CERT1: variants seen among roughly 807,000 people sequenced by gnomAD.
The protein encoded by CERT1 is ceramide transporter 1.
A neutral mutation model predicts 87.9 loss-of-function variants in CERT1; 31 were observed. The ratio of observed to expected loss-of-function variants is 0.35; its 90% CI spans 0.27 to 0.48. The LOEUF is 0.48. Ranked by LOEUF, CERT1 falls within the 20% of genes least tolerant of loss-of-function variation. CERT1 has a pLI of 0.99. For synonymous variants in CERT1, 289 were observed against 250.9 expected (o/e 1.15, Z -1.44); for missense variants, 487 against 758.0 (o/e 0.64, Z 4.20).
intron 8 of CERT1, among the ~76,000 whole-genome samples, chr5:75,407,472 TAA>T (rs546897411): frequency 7.4e-5 from 8 of 107,838 alleles, no homozygotes; most frequent in Non-Finnish European, 1.2e-4. Context: ...GGAAAAAAAT[TAA>T]AAAAAAAAAA....
intron 2 of CERT1, among the ~76,000 whole-genome samples, chr5:75,484,112 TTCTC>T (rs368910205): frequency 5.3e-5 from 8 of 152,116 alleles, no homozygotes; most frequent in East Asian, 3.9e-4. Context: ...TTTTTATGAA[TTCTC>T]TCTGTTTCTT....
intron 3 of CERT1, among the ~76,000 whole-genome samples, chr5:75,456,026 T>C (rs1764967994): frequency 6.6e-6 from 1 of 152,196 alleles, no homozygotes; most frequent in South Asian, 2.1e-4. Context: ...TACAGTTTTA[T>C]ATAGAGGATC....
At chr5:75,369,620 A>C (rs1427069244) in intron 17 of CERT1, 1 of 152,208 alleles carries the variant, frequency 6.6e-6, no homozygotes, top group Non-Finnish European at 1.5e-5. Flanking sequence ...CCACCTCCAC[A>C]GGACTGTTGA....
intron 7 of CERT1, among the ~76,000 whole-genome samples, chr5:75,412,265 T>C (rs1253830468): frequency 2.0e-5 from 3 of 152,200 alleles, no homozygotes; most frequent in African/African-American, 7.2e-5. Flanking sequence ...AGCACCACAC[T>C]TTTGAAAGCG....
intron 2 of CERT1, among the ~76,000 whole-genome samples, chr5:75,489,278 CAAAACCATAAAAACCCTAGAAG>C (rs1766664004): frequency 6.6e-6 from 1 of 152,000 alleles, no homozygotes. Context: ...ATGTAAGACC[CAAAACCATAAAAACCCTAGAAG>C]AAAACCTAGG....
intron 17 of CERT1, chr5:75,371,935 C>T (rs1761098738): frequency 6.6e-6 from 1 of 152,210 alleles, no homozygotes; most frequent in African/African-American, 2.4e-5. Context: ...ACTCTTTCCA[C>T]ATTCCCCAAT....
Position 75,458,993 on chromosome 5 carries a change from CTTTT to C in CERT1, c.348+68_348+71del, listed in dbSNP as rs1402887095. ...TTCAGTAACTAATGTCACATGTCAA[CTTTT>C]TTTTTAAGGTATTGTCAACAATCTC... On this transcript the variant is annotated intron_variant, in intron 3 of 16. Transcript: ENST00000643780. The C allele has an allele frequency of 2.6e-5, 20 of 777,488 alleles. No homozygotes were observed. The African/African-American group carries it at 3.5e-4, about 14-fold the overall frequency. The allele number at this position is 777,488 out of a possible 1,614,324, so 48.2% of individuals were successfully genotyped here.
chr5:75,458,152 A>G (rs1011922891), intron 3 of CERT1, among the ~76,000 whole-genome samples: 1 of 152,172 alleles, frequency 6.6e-6, no homozygotes, highest in African/African-American at 2.4e-5. Context: ...CTGTTTTATC[A>G]TGGTATTACT....
chr5:75,436,313 G>A (rs1308559114), intron 3 of CERT1, among the ~76,000 whole-genome samples: 3 of 152,194 alleles, frequency 2.0e-5, no homozygotes, highest in East Asian at 1.9e-4. Context: ...GATTACAGGC[G>A]TGAGCCACTG....
intron 2 of CERT1, among the ~76,000 whole-genome samples, chr5:75,481,838 T>C (rs1025813273): frequency 3.9e-5 from 6 of 152,256 alleles, no homozygotes; most frequent in African/African-American, 1.4e-4. Context: ...ATTACTGTGA[T>C]TTTTGGCTAC....
chr5:75,372,752 T>A (rs1263802887), intron 17 of CERT1: 2 of 152,228 alleles, frequency 1.3e-5, no homozygotes, highest in Non-Finnish European at 2.9e-5. Flanking sequence ...TAAATTATTA[T>A]CTTGCACTTA....
chr5:75,433,141 C>G (rs1358530651), intron 3 of CERT1, among the ~76,000 whole-genome samples: 2 of 152,150 alleles, frequency 1.3e-5, no homozygotes, highest in African/African-American at 4.8e-5. Flanking sequence ...ATACCTCCAG[C>G]TTTGTTCTTT....
chr5:75,408,405 C>T (rs1385037990), intron 8 of CERT1, among the ~76,000 whole-genome samples: 3 of 152,168 alleles, frequency 2.0e-5, no homozygotes, highest in Non-Finnish European at 4.4e-5. Flanking sequence ...GATGTTCAGA[C>T]CTTCTCCCTG....
At chr5:75,382,659 A>AT (rs746145025) in intron 14 of CERT1, among the ~76,000 whole-genome samples, 174 of 151,986 alleles carry the variant, frequency 1.1e-3, no homozygotes, top group Middle Eastern at 3.4e-3. Context: ...ACTTTAAATG[A>AT]GAAAAAAAAC....
intron 2 of CERT1, among the ~76,000 whole-genome samples, chr5:75,462,911 GA>G (rs1289381260): frequency 6.8e-6 from 1 of 146,078 alleles, no homozygotes; most frequent in African/African-American, 2.6e-5. Flanking sequence ...AGAATCACTT[GA>G]ACCCGGGAGG....
intron 2 of CERT1, among the ~76,000 whole-genome samples, chr5:75,466,586 T>G (rs1765464584): frequency 6.6e-6 from 1 of 152,196 alleles, no homozygotes; most frequent in Non-Finnish European, 1.5e-5. Flanking sequence ...GCCTCAACTC[T>G]TCAGAGATCC....
At chr5:75,399,512 G>A in intron 10 of CERT1, 125 bp from the exon 11 acceptor site, 1 of 700,654 alleles carries the variant, frequency 1.4e-6, no homozygotes. Context: ...AACAAGCACA[G>A]CAGCAACTGC....
At chr5:75,405,140 G>T (rs542464810) in intron 8 of CERT1, among the ~76,000 whole-genome samples, 2 of 152,128 alleles carry the variant, frequency 1.3e-5, no homozygotes, top group South Asian at 4.2e-4. Flanking sequence ...TATTAAAAGG[G>T]ACTTTAAAAA....
chr5:75,456,663 C>CAAAAAAAAA (rs34320476), intron 3 of CERT1, among the ~76,000 whole-genome samples: 1 of 69,430 alleles, frequency 1.4e-5, no homozygotes, highest in Non-Finnish European at 2.7e-5. Flanking sequence ...GACCTCATCT[C>CAAAAAAAAA]AAAAAAAAAA....
Sources: allele counts gnomAD v4.1 joint callset (sites outside exome capture counted in the v4.1 genomes callset), GRCh38; gene constraint gnomAD v4.1.1; transcripts MANE v1.5; gene names NCBI Gene and HGNC (gene_info 2026-07-23, HGNC 2026-07-21).